The following PEMT variants were observed in gnomAD, a reference collection of about 807,000 sequenced individuals.
The protein encoded by PEMT is phospholipid methyltransferase.
A neutral mutation model predicts 27.4 loss-of-function variants in PEMT; 23 were observed. The observed-to-expected ratio is 0.84, with a 90% CI of 0.60 to 1.19. The LOEUF is 1.19. PEMT is among the 50% of genes most tolerant of loss of function. The pLI is 0.00. For missense variants in PEMT, 307 were observed against 310.1 expected (o/e 0.99, Z 0.07); for synonymous variants, 137 against 139.1 (o/e 0.98, Z 0.11).
intron 2 of PEMT, among the ~76,000 whole-genome samples, chr17:17,546,010 C>T (rs1029592416): frequency 8.5e-5 from 13 of 152,210 alleles, no homozygotes; most frequent in African/African-American, 3.1e-4. Flanking sequence ...GTCCCTGGGC[C>T]ACCTTGCCTG....
At chr17:17,524,544 G>T (rs887399687) in intron 2 of PEMT, among the ~76,000 whole-genome samples, 1 of 150,822 alleles carries the variant, frequency 6.6e-6, no homozygotes, top group African/African-American at 2.4e-5. Flanking sequence ...TGAGAGAATT[G>T]CTTGAGCTTA....
intron 2 of PEMT, among the ~76,000 whole-genome samples, chr17:17,522,679 A>C (rs2142542697): frequency 6.6e-6 from 1 of 152,300 alleles, no homozygotes; most frequent in East Asian, 1.9e-4. Flanking sequence ...ACCAAGAGGC[A>C]GAAAGAGACG....
chr17:17,530,915 T>A (rs371194164), intron 2 of PEMT, among the ~76,000 whole-genome samples: 1 of 151,252 alleles, frequency 6.6e-6, no homozygotes, highest in African/African-American at 2.4e-5. Context: ...TAACGGCAGG[T>A]GCCTGCAATC....
At chr17:17,576,607 C>A (rs1414721403) in intron 2 of PEMT, among the ~76,000 whole-genome samples, 1 of 152,224 alleles carries the variant, frequency 6.6e-6, no homozygotes, top group East Asian at 1.9e-4. Context: ...ACCAGACTGC[C>A]AGGCACATGT....
chr17:17,531,339 T>G (rs1392164090), intron 2 of PEMT, among the ~76,000 whole-genome samples: 1 of 152,030 alleles, frequency 6.6e-6, no homozygotes, highest in African/African-American at 2.4e-5. Flanking sequence ...TGAAATGGTT[T>G]TTTTTTTCTT....
In PEMT at chr17:17,512,490, C is replaced by A; in HGVS notation, c.466+19G>T. On this transcript the variant is annotated intron_variant, in intron 4 of 6. Transcript: ENST00000255389. This position sits in a 1 kb window ranked among gnomAD's most constrained non-coding sequence, Gnocchi z 6.3. ...TCCAGCGGTCCTGCTCAGGGTCACC[C>A]CAGCCCTCAGGGTCTTACCTAGGAA... 1 of 1,562,780 alleles carries A rather than the reference C, an allele frequency of 6.4e-7. No individual in the cohort carries two copies. Among genetic ancestry groups the A allele is most frequent in the African/African-American group, 1.4e-5 (1 of 73,596 alleles).
intron 1 of PEMT, chr17:17,577,572 G>A (rs562660045): frequency 3.1e-6 from 3 of 977,922 alleles, no homozygotes; most frequent in East Asian, 2.3e-4. Context: ...GCATACGGGG[G>A]GCACGTGGAC....
At position 17,518,780 on chromosome 17, in the gene PEMT, T is replaced by C. The variant is rs1454513478; in HGVS notation, c.320+3500A>G. Among the ~76,000 whole-genome samples the C allele has an allele frequency of 2.0e-5, 3 of 152,014 alleles. No individual in the cohort carries two copies. In the East Asian group the frequency reaches 5.8e-4, roughly 29 times the overall value. On this transcript the variant is annotated intron_variant, in intron 3 of 6. Coordinates refer to ENST00000255389, the MANE Select transcript of PEMT (RefSeq NM_148172.3). ...GCTTGCCATCTCCCATGGAGAACGA[T>C]GCCACACCCCAAAGGTCCAGAACAG...
Position 17,582,513 on chromosome 17 carries a change from T to G in PEMT, c.97-5486A>C. The G allele has an allele frequency of 4.2e-6, 3 of 712,380 alleles. No individual in the cohort carries two copies. The highest frequency in any genetic ancestry group is 3.4e-6 in the Non-Finnish European group (2 of 580,640). 44.1% of individuals were successfully genotyped at this position (712,380 alleles called of 1,614,324 possible). A position where few individuals can be genotyped will look rare whatever the true frequency, so the allele number is the denominator to read the frequency against. On this transcript the variant is annotated intron_variant, in intron 1 of 6. Transcript: ENST00000255389. This position sits in a 1 kb window ranked among gnomAD's most constrained non-coding sequence, Gnocchi z 4.9. Reference sequence around the variant, plus strand: ...CCTGGACAGGCAAAGTCACATCGATTCCAGGCCACACACCACACACAACAA... The same window carrying G: ...CCTGGACAGGCAAAGTCACATCGATGCCAGGCCACACACCACACACAACAA...
intron 2 of PEMT, among the ~76,000 whole-genome samples, chr17:17,564,955 T>C (rs1910728371): frequency 6.6e-6 from 1 of 151,998 alleles, no homozygotes; most frequent in African/African-American, 2.4e-5. Context: ...GTGGGACAAA[T>C]GTCTTCCTAG....
rs1433933979 is a variant in PEMT at position 17,508,673 on chromosome 17, GGGCAGC to G, written c.578+755_578+760del. ...GGGTGGGGGCTGGGTATGAAGCCGA[GGGCAGC>G]GCCCGCTGTGCCATCCTTGACCGCA... On this transcript the variant is annotated intron_variant, in intron 5 of 6. Transcript: ENST00000255389. 2.3e-5 allele frequency: 9 copies of G among 398,680 alleles called. No individual in the cohort carries two copies. In the East Asian group the frequency reaches 7.1e-4, roughly 31 times the overall value. The allele number at this position is 398,680 out of a possible 1,614,324, so 24.7% of individuals were successfully genotyped here.
chr17:17,515,910 C>T (rs938724782), intron 3 of PEMT, among the ~76,000 whole-genome samples: 1 of 152,172 alleles, frequency 6.6e-6, no homozygotes, highest in Non-Finnish European at 1.5e-5. Context: ...GCTGTCTGCA[C>T]TCTGCTCCCA....
chr17:17,550,136 A>C (rs1421879082), intron 2 of PEMT, among the ~76,000 whole-genome samples: 8 of 152,150 alleles, frequency 5.3e-5, no homozygotes, highest in Non-Finnish European at 1.0e-4. Context: ...TGGATTGAAA[A>C]TACCATGTTC....
chr17:17,531,482 T>C (rs1908085426), intron 2 of PEMT, among the ~76,000 whole-genome samples: 1 of 151,716 alleles, frequency 6.6e-6, no homozygotes, highest in Non-Finnish European at 1.5e-5. Flanking sequence ...CTTAGAATAC[T>C]CAAGACAACT....
Position 17,591,628 on chromosome 17 carries a change from CG to C in PEMT, c.-3del. 1 of 1,610,536 alleles carries C rather than the reference CG, an allele frequency of 6.2e-7. No individual in the cohort carries two copies. The highest frequency in any genetic ancestry group is 8.5e-7 in the Non-Finnish European group (1 of 1,178,630). The stretch of plus-strand genomic sequence containing the variant: ...TCCCGGGTTCCCAGATCTCTTCATC[CG>C]GGGGCCGCCTCAGGAGGCACCACGC... On this transcript the variant is annotated 5_prime_UTR_variant, in exon 1 of 7. Coordinates refer to ENST00000255389, the MANE Select transcript of PEMT (RefSeq NM_148172.3).
chr17:17,524,254 A>C (rs1160756202), intron 2 of PEMT, among the ~76,000 whole-genome samples: 2 of 152,182 alleles, frequency 1.3e-5, no homozygotes, highest in Non-Finnish European at 2.9e-5. Flanking sequence ...ATCGTGCCCA[A>C]GTGTTTTGTG....
At chr17:17,555,169 AC>A (rs1272382211) in intron 2 of PEMT, among the ~76,000 whole-genome samples, 1 of 152,132 alleles carries the variant, frequency 6.6e-6, no homozygotes, top group Non-Finnish European at 1.5e-5. Flanking sequence ...CAGAGTGAGG[AC>A]ATGGCTTGTC....
At position 17,522,362 on chromosome 17, in the gene PEMT, T is replaced by G. The variant is rs749955730; in HGVS notation, c.238A>C (p.Ser80Arg). 57 of 1,613,328 alleles carry G rather than the reference T, an allele frequency of 3.5e-5. No individual in the cohort carries two copies. The highest frequency in any genetic ancestry group is 4.6e-5 in the Non-Finnish European group (54 of 1,179,852). Residue 80 changes from serine (S) to arginine (R), a missense_variant, in exon 3 of 7, where the codon AGC becomes CGC. Ser to Arg is a moderately radical substitution (Grantham distance 110, BLOSUM62 -1). Coordinates refer to ENST00000255389, the MANE Select transcript of PEMT (RefSeq NM_148172.3). ...AGGTAGGGGGATCCGAAGGCCCTGC[T>G]CAGCTTGCGGGTCTTGTGTTCCCAT... Reference protein sequence around the residue: ...ARWEHKTRKLSRAFGSPYLAC... With the variant: ...ARWEHKTRKLRRAFGSPYLAC...
intron 4 of PEMT, 66 bp from the exon 5 acceptor site, chr17:17,509,611 A>G (rs956009103): frequency 3.5e-6 from 4 of 1,135,282 alleles, no homozygotes; most frequent in Non-Finnish European, 4.0e-6. Context: ...TCACTGAGGG[A>G]GGCCCCAGAG....
Sources: gnomAD v4.1 joint callset for allele counts (sites outside exome capture counted in the v4.1 genomes callset) on GRCh38, gnomAD v4.1.1 for gene constraint, Gnocchi (gnomAD v3.1) non-coding constraint, MANE v1.5 for transcripts, NCBI Gene and HGNC (gene_info 2026-07-23, HGNC 2026-07-21) for gene names.